The following DDX59 variants were observed in gnomAD, a reference collection of about 807,000 sequenced individuals.
DDX59 encodes the protein probable ATP-dependent RNA helicase DDX59.
DDX59 carries 30 observed loss-of-function variants against 51.9 expected under a neutral mutation model. The observed-to-expected ratio is 0.58, with a 90% confidence interval of 0.43 to 0.78. DDX59 has a LOEUF of 0.78. Among genes scored for constraint, DDX59 ranks in the 30% least tolerant of loss-of-function variants. The probability of loss-of-function intolerance (pLI) is 0.00; values close to 1 mark genes in which losing one functional copy is unlikely to be tolerated. For synonymous variants in DDX59, 255 were observed against 253.3 expected, an observed-to-expected ratio of 1.01 and a Z score of -0.06; for missense variants, 672 against 730.8, an observed-to-expected ratio of 0.92 and a Z score of 0.93.
intron 3 of DDX59, among the ~76,000 whole-genome samples, chr1:200,661,062 C>A (rs963119899): frequency 1.3e-5 from 2 of 152,104 alleles, no homozygotes; most frequent in Admixed American, 1.3e-4. Flanking sequence ...TTGGAGAAGG[C>A]ATGATTCCAG....
downstream of DDX59, among the ~76,000 whole-genome samples, chr1:200,643,128 G>C (rs1477256205): frequency 6.6e-6 from 1 of 151,106 alleles, no homozygotes; most frequent in Admixed American, 6.6e-5. Context: ...CCAGGAGTTT[G>C]AGACCAGCCT....
At chr1:200,663,883 A>C (rs1291638190) in intron 3 of DDX59, 36 bp downstream of exon 3, 2 of 1,497,982 alleles carry the variant, frequency 1.3e-6, no homozygotes, top group South Asian at 2.8e-5. Flanking sequence ...TTGCTTACAA[A>C]ACTTTTCAAA....
chr1:200,664,560 G>C (rs1371447013), intron 2 of DDX59, among the ~76,000 whole-genome samples: 1 of 151,812 alleles, frequency 6.6e-6, no homozygotes, highest in Non-Finnish European at 1.5e-5. Flanking sequence ...CTCTATTTTG[G>C]TCTTCCAGCA....
intron 3 of DDX59, 30 bp downstream of exon 3, chr1:200,663,889 T>A: frequency 1.3e-6 from 2 of 1,509,458 alleles, no homozygotes; most frequent in Non-Finnish European, 1.8e-6. Flanking sequence ...ACAAAACTTT[T>A]CAAAGACATT....
At chr1:200,663,599 G>C (rs1662513802) in intron 3 of DDX59, among the ~76,000 whole-genome samples, 1 of 152,114 alleles carries the variant, frequency 6.6e-6, no homozygotes, top group Admixed American at 6.6e-5. Context: ...ACCTTTCTGA[G>C]ATTCAACTTC....
At chr1:200,656,068 G>A (rs1485219965) in intron 4 of DDX59, among the ~76,000 whole-genome samples, 2 of 152,164 alleles carry the variant, frequency 1.3e-5, no homozygotes, top group African/African-American at 2.4e-5. Flanking sequence ...GACCTCAGGT[G>A]ATCCGCCCAC....
intron 4 of DDX59, among the ~76,000 whole-genome samples, chr1:200,657,920 G>GA (rs370357055): frequency 2.8e-4 from 41 of 147,692 alleles, no homozygotes; most frequent in Middle Eastern, 3.5e-3. Context: ...ACTGTCTCAA[G>GA]AAAAAAAAAA....
chr1:200,658,971 TA>T, intron 4 of DDX59, 55 bp downstream of exon 4: 14 of 1,403,626 alleles, frequency 1.0e-5, no homozygotes, highest in Non-Finnish European at 1.4e-5. Context: ...TATATAACTA[TA>T]CTTTCCATAA....
intron 3 of DDX59, among the ~76,000 whole-genome samples, chr1:200,660,923 G>A (rs1039429312): frequency 2.6e-5 from 4 of 152,200 alleles, no homozygotes; most frequent in African/African-American, 9.7e-5. Context: ...GACGCCCAGC[G>A]ATGACTGTAT....
intron 1 of DDX59, among the ~76,000 whole-genome samples, chr1:200,667,045 T>C (rs1461718241): frequency 1.3e-5 from 2 of 151,608 alleles, no homozygotes; most frequent in Non-Finnish European, 2.9e-5. Flanking sequence ...GGGGCAGAGA[T>C]TGCAGTGAGC....
intron 4 of DDX59, among the ~76,000 whole-genome samples, chr1:200,654,093 T>C (rs1248783267): frequency 6.6e-6 from 1 of 152,156 alleles, no homozygotes; most frequent in Admixed American, 6.5e-5. Context: ...TACTAGTCAG[T>C]GTGGCCCAAA....
At chr1:200,661,356 T>C (rs1662363882) in intron 3 of DDX59, among the ~76,000 whole-genome samples, 1 of 131,692 alleles carries the variant, frequency 7.6e-6, no homozygotes, top group Admixed American at 7.4e-5. Flanking sequence ...AAAGTACACC[T>C]CAAAGTACTC....
chr1:200,658,912 C>T, intron 4 of DDX59, 115 bp downstream of exon 4: 1 of 860,468 alleles, frequency 1.2e-6, no homozygotes, highest in Non-Finnish European at 1.8e-6. Flanking sequence ...TTAAAAGTCC[C>T]TGAGGTTTTT....
intron 2 of DDX59, among the ~76,000 whole-genome samples, chr1:200,664,479 CT>C (rs1358729084): frequency 6.6e-6 from 1 of 152,210 alleles, no homozygotes; most frequent in African/African-American, 2.4e-5. Context: ...TCTTAGCTCT[CT>C]TGTGGATTCA....
intron 3 of DDX59, among the ~76,000 whole-genome samples, chr1:200,661,193 C>T (rs1662351872): frequency 6.6e-6 from 1 of 152,086 alleles, no homozygotes; most frequent in South Asian, 2.1e-4. Flanking sequence ...GAAGGTGCTT[C>T]CACTGGCCAG....
chr1:200,666,812 A>G (rs1662796186), intron 1 of DDX59, 61 bp from the exon 2 acceptor site: 1 of 1,511,050 alleles, frequency 6.6e-7, no homozygotes, highest in African/African-American at 1.4e-5. Context: ...CATATAAAGT[A>G]CCATATGATT....
At position 200,650,629 on chromosome 1, in the gene DDX59, A is replaced by G; in HGVS notation, c.1110T>C (p.Ile370=). 2 of 1,613,952 alleles carry G rather than the reference A, an allele frequency of 1.2e-6. No homozygotes were observed. Among genetic ancestry groups the G allele is most frequent in the Non-Finnish European group, 1.7e-6 (2 of 1,179,898 alleles). Residue 370 remains isoleucine (I), a synonymous_variant, in exon 5 of 8, where the codon ATT becomes ATC. Coordinates refer to ENST00000331314, the MANE Select transcript of DDX59 (RefSeq NM_001031725.6). The part of the protein sequence containing the change: ...KMGFQQQVLD[I]LENIPNDCQT... ...GACAATCATTAGGAATGTTTTCCAAAATGTCAAGCACTTGTTGTTGAAAAC... is the reference window on the plus strand; with the variant it reads ...GACAATCATTAGGAATGTTTTCCAAGATGTCAAGCACTTGTTGTTGAAAAC...
chr1:200,644,449 T>A lies in DDX59; in HGVS notation c.1665A>T (p.Arg555Ser), dbSNP rs1661167235. ...CTCGTTTTGCAATATCCCAGAAGAG[T>A]CTTTTTGAATTATTATTGATGAAAG... is the stretch of plus-strand genomic sequence containing the variant. ...AITFINNNSKRLFWDIAKRVK... is the reference protein window; with the variant it reads ...AITFINNNSKSLFWDIAKRVK... The change falls in exon 8 of 8, where the codon AGA (arginine) becomes AGT (serine). Residue 555 changes from arginine to serine, a missense_variant. Transcript: ENST00000331314. 6.2e-7 allele frequency: 1 copy of A among 1,609,160 alleles called. No individual in the cohort carries two copies.
chr1:200,648,678 A>AC, intron 6 of DDX59, 111 bp from the exon 7 acceptor site: 1 of 1,297,926 alleles, frequency 7.7e-7, no homozygotes, highest in Non-Finnish European at 1.0e-6. Context: ...TTATTGCAAT[A>AC]TTTTTTCAAT....
Sources: gnomAD v4.1 joint callset for allele counts (sites outside exome capture counted in the v4.1 genomes callset) on GRCh38, gnomAD v4.1.1 for gene constraint, MANE v1.5 for transcripts, NCBI Gene and HGNC (gene_info 2026-07-23, HGNC 2026-07-21) for gene names.